The following BMP2K variants were observed in gnomAD, a reference collection of about 807,000 sequenced individuals.
The protein encoded by BMP2K is BMP2 inducible kinase, also known as BMP-2-inducible protein kinase.
Under a neutral mutation model 116.0 loss-of-function variants are expected in BMP2K, and 74 were observed. The ratio of observed to expected loss-of-function variants is 0.64; its 90% confidence interval spans 0.53 to 0.77. The LOEUF is 0.77. Among genes scored for constraint, BMP2K ranks in the 30% least tolerant of loss-of-function variants. The pLI is 0.00. For synonymous variants in BMP2K, 486 were observed against 502.5 expected, an observed-to-expected ratio of 0.97 and a Z score of 0.44; for missense variants, 1,365 against 1,403.6, an observed-to-expected ratio of 0.97 and a Z score of 0.44.
intron 1 of BMP2K, among the ~76,000 whole-genome samples, chr4:78,810,952 T>C (rs539598338): frequency 4.4e-4 from 67 of 152,206 alleles, no homozygotes; most frequent in African/African-American, 1.5e-3. Flanking sequence ...TTTTCCATTG[T>C]GTAAGTGCTT....
intron 15 of BMP2K, among the ~76,000 whole-genome samples, chr4:78,889,379 TGAGA>T (rs1378129622): frequency 1.3e-5 from 2 of 152,098 alleles, no homozygotes; most frequent in African/African-American, 2.4e-5. Context: ...ATGCGTCTCC[TGAGA>T]AAGAAGAAAA....
In BMP2K at chr4:78,826,501, C is replaced by A. The variant is rs146437390; in HGVS notation, c.297+346C>A. On this transcript the variant is annotated intron_variant, in intron 2 of 15. Coordinates refer to ENST00000502613, the MANE Select transcript of BMP2K (RefSeq NM_198892.2). ...TACAGGTGTGAGCCACCGTGCCTGG[C>A]CTGTTTTGTTTTCTATAACATTAAC... is the stretch of plus-strand genomic sequence containing the variant. 4.5e-3 allele frequency among the ~76,000 whole-genome samples: 681 copies of A among 152,222 alleles called. 2 individuals are homozygous for A. Among genetic ancestry groups the A allele is most frequent in the African/African-American group, 0.016 (644 of 41,522 alleles).
At chr4:78,786,462 C>T (rs575017413) in intron 1 of BMP2K, among the ~76,000 whole-genome samples, 49 of 142,076 alleles carry the variant, frequency 3.4e-4, no homozygotes, top group African/African-American at 1.2e-3. Context: ...TTTTGAGACA[C>T]GGTCTCTATT....
At chr4:78,874,382 T>C (rs1732534007) in intron 13 of BMP2K, among the ~76,000 whole-genome samples, 1 of 152,184 alleles carries the variant, frequency 6.6e-6, no homozygotes, top group Non-Finnish European at 1.5e-5. Context: ...AAGTATGAAA[T>C]GTAAATAGTA....
chr4:78,793,913 A>T (rs552767908), intron 1 of BMP2K, among the ~76,000 whole-genome samples: 1 of 152,070 alleles, frequency 6.6e-6, no homozygotes, highest in Non-Finnish European at 1.5e-5. Flanking sequence ...TTAAAATTTT[A>T]TATGTGGCTC....
Position 78,803,813 on chromosome 4 carries a change from A to G in BMP2K, c.179-22224A>G, listed in dbSNP as rs1014782183. On this transcript the variant is annotated intron_variant, in intron 1 of 15. Coordinates refer to ENST00000502613, the MANE Select transcript of BMP2K (RefSeq NM_198892.2). ...GGTGAGTTATGAACCTAAGAGCATA[A>G]TATATGATGATCCTTCATGATTAGG... Among the ~76,000 whole-genome samples, 10 of 152,270 alleles carry G rather than the reference A, an allele frequency of 6.6e-5. No individual in the cohort carries two copies. The South Asian group carries it at 1.7e-3, about 25-fold the overall frequency.
In BMP2K at chr4:78,827,784, A is replaced by G. The variant is rs1345269243; in HGVS notation, c.297+1629A>G. On this transcript the variant is annotated intron_variant, in intron 2 of 15. Transcript: ENST00000502613. Reference sequence around the variant, plus strand: ...TAAAAACAAAACAAAACAAAACAAAACAAAAAAACTGCATGCAATTCAGCC... The same window carrying G: ...TAAAAACAAAACAAAACAAAACAAAGCAAAAAAACTGCATGCAATTCAGCC... 2.7e-5 allele frequency among the ~76,000 whole-genome samples: 4 copies of G among 150,770 alleles called. No individual in the cohort carries two copies. In the East Asian group the frequency reaches 6.2e-4, roughly 23 times the overall value.
intron 15 of BMP2K, among the ~76,000 whole-genome samples, chr4:78,890,442 C>T (rs75274250): frequency 6.6e-6 from 1 of 151,698 alleles, no homozygotes; most frequent in Non-Finnish European, 1.5e-5. Flanking sequence ...CCTGTCCTTA[C>T]ATCCAGCATG....
At chr4:78,816,715 A>G (rs1449283263) in intron 1 of BMP2K, among the ~76,000 whole-genome samples, 3 of 152,198 alleles carry the variant, frequency 2.0e-5, no homozygotes, top group Non-Finnish European at 4.4e-5. Context: ...TGTCATGTCA[A>G]AGAAATTAGT....
At chr4:78,840,033 A>G (rs1231995708) in intron 3 of BMP2K, among the ~76,000 whole-genome samples, 2 of 152,212 alleles carry the variant, frequency 1.3e-5, no homozygotes, top group East Asian at 3.8e-4. Flanking sequence ...TTGTAAAAAT[A>G]AAAAAGTCAT....
At chr4:78,895,516 A>G (rs1733655845) in intron 15 of BMP2K, among the ~76,000 whole-genome samples, 1 of 152,160 alleles carries the variant, frequency 6.6e-6, no homozygotes, top group Non-Finnish European at 1.5e-5. Flanking sequence ...ATTCCCTTGA[A>G]GTAAATGATA....
intron 15 of BMP2K, among the ~76,000 whole-genome samples, chr4:78,888,330 A>C (rs926450330): frequency 3.9e-5 from 6 of 152,208 alleles, no homozygotes; most frequent in African/African-American, 1.4e-4. Context: ...ATTCTGCATA[A>C]ATGTGTTCCC....
chr4:78,786,451 G>T (rs1407281795), intron 1 of BMP2K, among the ~76,000 whole-genome samples: 1 of 130,562 alleles, frequency 7.7e-6, no homozygotes, highest in Non-Finnish European at 1.7e-5. Context: ...GTGTGTGTGT[G>T]TTTTGAGACA....
At chr4:78,909,208 T>G (rs1454220799) in intron 15 of BMP2K, among the ~76,000 whole-genome samples, 1 of 151,972 alleles carries the variant, frequency 6.6e-6, no homozygotes, top group Non-Finnish European at 1.5e-5. Context: ...TGGCTAATTT[T>G]TCTATTTTTA....
chr4:78,833,891 C>T (rs1009994099), intron 3 of BMP2K, among the ~76,000 whole-genome samples: 6 of 152,026 alleles, frequency 3.9e-5, no homozygotes, highest in South Asian at 2.1e-4. Flanking sequence ...AGCATGTAAA[C>T]GCAGAATGAG....
intron 10 of BMP2K, among the ~76,000 whole-genome samples, chr4:78,868,779 T>G (rs1294210943): frequency 6.6e-6 from 1 of 152,230 alleles, no homozygotes; most frequent in Non-Finnish European, 1.5e-5. Flanking sequence ...AATGATCTCC[T>G]GTGACTCCAG....
At chr4:78,796,859 AAAAGTT>A (rs1410030861) in intron 1 of BMP2K, among the ~76,000 whole-genome samples, 9 of 152,216 alleles carry the variant, frequency 5.9e-5, no homozygotes, top group Non-Finnish European at 1.3e-4. Context: ...TTCTGCTAAA[AAAAGTT>A]ATTACTTCTA....
chr4:78,907,874 G>C (rs62307994), intron 15 of BMP2K, among the ~76,000 whole-genome samples: 11,196 of 152,186 alleles, frequency 0.074, 579 homozygotes, highest in East Asian at 0.22. Context: ...TGTTGTGGCT[G>C]TGGGTGGGTA....
chr4:78,802,335 C>T (rs1194259128), intron 1 of BMP2K, among the ~76,000 whole-genome samples: 1 of 152,136 alleles, frequency 6.6e-6, no homozygotes, highest in Non-Finnish European at 1.5e-5. Context: ...AAAGAATTGT[C>T]TTGATCTGCT....
Sources: allele counts gnomAD v4.1 joint callset (sites outside exome capture counted in the v4.1 genomes callset), GRCh38; gene constraint gnomAD v4.1.1; transcripts MANE v1.5; gene names NCBI Gene and HGNC (gene_info 2026-07-23, HGNC 2026-07-21).